EPN1: variants seen among roughly 807,000 people sequenced by gnomAD.
EPN1 encodes epsin-1.
Under a neutral mutation model 56.9 loss-of-function variants are expected in EPN1, and 25 were observed. The ratio of observed to expected loss-of-function variants is 0.44; its 90% CI spans 0.32 to 0.61. EPN1 has a LOEUF of 0.61. Ranked by LOEUF, EPN1 falls within the 20% of genes least tolerant of loss-of-function variation. The probability of loss-of-function intolerance (pLI) is 0.05; values close to 1 mark genes in which losing one functional copy is unlikely to be tolerated. For missense variants in EPN1, 785 were observed against 823.7 expected (o/e 0.95, Z 0.58); for synonymous variants, 411 against 361.8 (o/e 1.14, Z -1.54).
intron 1 of EPN1, among the ~76,000 whole-genome samples, chr19:55,678,081 T>C (rs1985558884): frequency 6.6e-6 from 1 of 151,374 alleles, no homozygotes; most frequent in South Asian, 2.1e-4. Context: ...ACCTGGGAAG[T>C]GTAAGCAGAG....
intron 1 of EPN1, chr19:55,677,711 C>T (rs757642644): frequency 1.3e-6 from 2 of 1,547,924 alleles, no homozygotes; most frequent in South Asian, 2.4e-5. Flanking sequence ...CTTCTGGCTT[C>T]CCCGGTTCTT....
In EPN1 at chr19:55,695,120, C is replaced by T. The variant is rs370972732; in HGVS notation, c.1523-28C>T. The T allele has an allele frequency of 1.2e-6, 2 of 1,613,166 alleles. No individual in the cohort carries two copies. The highest frequency in any genetic ancestry group is 1.3e-5 in the African/African-American group (1 of 74,924). ...GGTGGGCTGCGCCACTGACTCCACT[C>T]CGTGTCTCTGGTTTACTCTTCCTGC... On this transcript the variant is annotated intron_variant, in intron 10 of 10. Coordinates refer to ENST00000270460, the MANE Select transcript of EPN1 (RefSeq NM_001130072.2). This position sits in a 1 kb window ranked among gnomAD's most constrained non-coding sequence, Gnocchi z 4.4.
rs1416905009 is a variant in EPN1 at position 55,678,628 on chromosome 19, A to ATGTCGACCC, written c.9_10insCTGTCGACC (p.Thr3_Ser4insLeuSerThr). On this transcript the variant is annotated inframe_insertion, in exon 2 of 11. Coordinates refer to ENST00000270460, the MANE Select transcript of EPN1 (RefSeq NM_001130072.2). Reference sequence around the variant, plus strand: ...CCCCTTGCTGCTGCAGCCGGGCACCATGTCGACCTCGTCCTTGAGGCGCCA... The same window carrying ATGTCGACCC: ...CCCCTTGCTGCTGCAGCCGGGCACCATGTCGACCCTGTCGACCTCGTCCTTGAGGCGCCA... 6.2e-7 allele frequency: 1 copy of ATGTCGACCC among 1,608,290 alleles called. No individual in the cohort carries two copies. Among genetic ancestry groups the ATGTCGACCC allele is most frequent in the Non-Finnish European group, 8.5e-7 (1 of 1,177,736 alleles).
chr19:55,686,671 G>A (rs1036844485), intron 3 of EPN1, among the ~76,000 whole-genome samples: 3 of 152,110 alleles, frequency 2.0e-5, no homozygotes, highest in African/African-American at 7.2e-5. Context: ...AGGGACCCAC[G>A]AGCCAGTAGA....
At chr19:55,685,354 G>C in intron 2 of EPN1, 42 bp from the exon 3 acceptor site, 1 of 1,589,384 alleles carries the variant, frequency 6.3e-7, no homozygotes, top group Non-Finnish European at 8.6e-7. Context: ...GGCCCGCCTT[G>C]TGCCCGGCGT....
Position 55,676,942 on chromosome 19 carries a change from C to G in EPN1, c.-102+1507C>G, listed in dbSNP as rs1985476167. The G allele has an allele frequency of 2.1e-5, 11 of 528,396 alleles. No homozygotes were observed. The East Asian group carries it at 3.5e-4, about 17-fold the overall frequency. The allele number at this position is 528,396 out of a possible 1,614,324, so 32.7% of individuals were successfully genotyped here. A position where few individuals can be genotyped will look rare whatever the true frequency, so the allele number is the denominator to read the frequency against. ...ACTGTCTTCTATTTCTTCTCAGTCC[C>G]CTTCTCTGCATTTGTTACATCATCT... On this transcript the variant is annotated intron_variant, in intron 1 of 10. Transcript: ENST00000270460.
rs1600119536 is a variant in EPN1 at position 55,708,356 on chromosome 19, T to C, written c.*13000T>C. ...GTGTTTAATATTGTGTTTTGAAATA[T>C]AAACAGTGTAGATATATTTGAATAA... On this transcript the variant is annotated 3_prime_UTR_variant, in exon 11 of 11. Transcript: ENST00000270460. The C allele has an allele frequency of 6.6e-6, 1 of 152,362 alleles. No individual in the cohort carries two copies. The highest frequency in any genetic ancestry group is 1.9e-4 in the East Asian group (1 of 5,194). 9.4% of individuals were successfully genotyped at this position (152,362 alleles called of 1,614,324 possible). A position where few individuals can be genotyped will look rare whatever the true frequency, so the allele number is the denominator to read the frequency against.
rs1045540237 is a variant in EPN1 at position 55,705,795 on chromosome 19, TTTG to T, written c.*10447_*10449del. On this transcript the variant is annotated 3_prime_UTR_variant, in exon 11 of 11. Transcript: ENST00000270460. ...TCATACTGACATTGTGGCTGGAATA[TTTG>T]TTGTTGTGGGATATATATATATATA... The T allele has an allele frequency of 1.7e-4, 16 of 92,306 alleles. No homozygotes were observed. The highest frequency in any genetic ancestry group is 3.2e-4 in the East Asian group (1 of 3,112). The allele number at this position is 92,306 out of a possible 1,614,324, so 5.7% of individuals were successfully genotyped here.
In EPN1 at chr19:55,683,732, G is replaced by A. The variant is rs548268208; in HGVS notation, c.229-1664G>A. Among the ~76,000 whole-genome samples the A allele has an allele frequency of 1.4e-4, 21 of 152,328 alleles. No individual in the cohort carries two copies. In the South Asian group the frequency reaches 1.9e-3, roughly 14 times the overall value. ...AGTTGATGTATGCATTTCACTGTGC[G>A]TGGGTATTCGCACTATTTCCTGCTT... On this transcript the variant is annotated intron_variant, in intron 2 of 10. Transcript: ENST00000270460.
Position 55,704,142 on chromosome 19 carries a change from AG to A in EPN1, c.*8787del, listed in dbSNP as rs1414403758. The A allele has an allele frequency of 6.6e-6, 1 of 152,380 alleles. No homozygotes were observed. The highest frequency in any genetic ancestry group is 1.5e-5 in the Non-Finnish European group (1 of 68,246). 9.4% of individuals were successfully genotyped at this position (152,380 alleles called of 1,614,324 possible). The stretch of plus-strand genomic sequence containing the variant: ...CCTCCTGGTCCCCACCTTCCAGCCC[AG>A]CGCGCACACTAGACGGCACGTGCTC... On this transcript the variant is annotated 3_prime_UTR_variant, in exon 11 of 11. Transcript: ENST00000270460.
chr19:55,688,315 C>T (rs1478174978), intron 3 of EPN1, among the ~76,000 whole-genome samples: 1 of 152,060 alleles, frequency 6.6e-6, no homozygotes, highest in East Asian at 1.9e-4. Context: ...CCCTGCCTTC[C>T]TGTGTCCTCT....
At chr19:55,688,273 G>C (rs898303807) in intron 3 of EPN1, among the ~76,000 whole-genome samples, 2 of 152,032 alleles carry the variant, frequency 1.3e-5, no homozygotes, top group African/African-American at 4.8e-5. Context: ...GTGGAGGCCG[G>C]GGATATCTCA....
At position 55,695,681 on chromosome 19, in the gene EPN1, C is replaced by CA; in HGVS notation, c.*326dup. The CA allele has an allele frequency of 2.8e-6, 1 of 361,672 alleles. No homozygotes were observed. Among genetic ancestry groups the CA allele is most frequent in the Middle Eastern group, 7.5e-4 (1 of 1,342 alleles). The allele number at this position is 361,672 out of a possible 1,614,324, so 22.4% of individuals were successfully genotyped here. ...AGTGTTTGAGCCTCCTCGTTCCCCTCACGCACCCGCTCACGCACCCTCGGT... is the reference window on the plus strand; with the variant it reads ...AGTGTTTGAGCCTCCTCGTTCCCCTCAACGCACCCGCTCACGCACCCTCGGT... On this transcript the variant is annotated 3_prime_UTR_variant, in exon 11 of 11. Coordinates refer to ENST00000270460, the MANE Select transcript of EPN1 (RefSeq NM_001130072.2). The surrounding 1 kb of genome is among the most constrained non-coding windows in gnomAD (Gnocchi z 4.4).
At position 55,698,030 on chromosome 19, in the gene EPN1, T is replaced by A. The variant is rs1430963352; in HGVS notation, c.*2674T>A. ...CCTCAGGGGTCCGGGGGTTTTCGGC[T>A]AAACCCACCTAGCAGGATTCTTGCT... On this transcript the variant is annotated 3_prime_UTR_variant, in exon 11 of 11. Coordinates refer to ENST00000270460, the MANE Select transcript of EPN1 (RefSeq NM_001130072.2). 1 of 145,878 alleles carries A rather than the reference T, an allele frequency of 6.9e-6. No individual in the cohort carries two copies. The highest frequency in any genetic ancestry group is 1.5e-5 in the Non-Finnish European group (1 of 67,302). 9.0% of individuals were successfully genotyped at this position (145,878 alleles called of 1,614,324 possible). A position where few individuals can be genotyped will look rare whatever the true frequency, so the allele number is the denominator to read the frequency against.
Position 55,709,121 on chromosome 19 carries a change from ACCTCT to A in EPN1, c.*13776_*13780del. On this transcript the variant is annotated 3_prime_UTR_variant, in exon 11 of 11. Coordinates refer to ENST00000270460, the MANE Select transcript of EPN1 (RefSeq NM_001130072.2). ...ATTGCCTCTCTACATTCTGATGTCT[ACCTCT>A]CCTCTCCTCTTTATTCTTTCCTAGA... 6 of 984,752 alleles carry A rather than the reference ACCTCT, an allele frequency of 6.1e-6. No individual in the cohort carries two copies. Among genetic ancestry groups the A allele is most frequent in the South Asian group, 5.4e-5 (3 of 55,354 alleles). The allele number at this position is 984,752 out of a possible 1,614,324, so 61.0% of individuals were successfully genotyped here. A position where few individuals can be genotyped will look rare whatever the true frequency, so the allele number is the denominator to read the frequency against.
chr19:55,703,038 C>G lies in EPN1; in HGVS notation c.*7682C>G, dbSNP rs1394349845. 6.6e-6 allele frequency: 1 copy of G among 152,178 alleles called. No individual in the cohort carries two copies. The highest frequency in any genetic ancestry group is 1.5e-5 in the Non-Finnish European group (1 of 68,126). The allele number at this position is 152,178 out of a possible 1,614,324, so 9.4% of individuals were successfully genotyped here. A position where few individuals can be genotyped will look rare whatever the true frequency, so the allele number is the denominator to read the frequency against. ...ATGGTCTCAATCTGACCTTGTGATT[C>G]CGCCCACCTCGGCCTCCCAAAGTGC... On this transcript the variant is annotated 3_prime_UTR_variant, in exon 11 of 11. Coordinates refer to ENST00000270460, the MANE Select transcript of EPN1 (RefSeq NM_001130072.2).
At chr19:55,685,966 G>C (rs1054694322) in intron 3 of EPN1, among the ~76,000 whole-genome samples, 1 of 152,224 alleles carries the variant, frequency 6.6e-6, no homozygotes, top group Non-Finnish European at 1.5e-5. Flanking sequence ...GCTCTGAGGG[G>C]ACACGCACAG....
rs781106190 is a variant in EPN1 at position 55,678,572 on chromosome 19, G to A, written c.-56G>A. 3.1e-5 allele frequency: 48 copies of A among 1,559,986 alleles called. No individual in the cohort carries two copies. Among genetic ancestry groups the A allele is most frequent in the Non-Finnish European group, 3.7e-5 (43 of 1,155,066 alleles). On this transcript the variant is annotated 5_prime_UTR_variant, in exon 2 of 11. Coordinates refer to ENST00000270460, the MANE Select transcript of EPN1 (RefSeq NM_001130072.2). ...CTGCCGCAGCCTTCGTCCGGGAGTC[G>A]CCCCATCTCTCCACGCATCGGGGCC...
chr19:55,692,123 C>T (rs1986598210), intron 7 of EPN1, 66 bp downstream of exon 7: 38 of 1,358,748 alleles, frequency 2.8e-5, no homozygotes, highest in Non-Finnish European at 3.4e-5. Context: ...GTTGACTGTG[C>T]CCTTGGACAG....
Sources: gnomAD v4.1 joint callset for allele counts (sites outside exome capture counted in the v4.1 genomes callset) on GRCh38, gnomAD v4.1.1 for gene constraint, Gnocchi (gnomAD v3.1) non-coding constraint, MANE v1.5 for transcripts, NCBI Gene and HGNC (gene_info 2026-07-23, HGNC 2026-07-21) for gene names.